HBS1L: variants seen among roughly 807,000 people sequenced by gnomAD.
HBS1L encodes HBS1 like translational GTPase.
In HBS1L, 55 loss-of-function variants were observed where a neutral mutation model predicts 88.9. The ratio of observed to expected loss-of-function variants is 0.62; its 90% CI spans 0.50 to 0.77. HBS1L has a LOEUF of 0.77. Among genes scored for constraint, HBS1L ranks in the 30% least tolerant of loss-of-function variants. The probability of loss-of-function intolerance (pLI) is 0.00; values close to 1 mark genes in which losing one functional copy is unlikely to be tolerated. For missense variants in HBS1L, 741 were observed against 829.3 expected (o/e 0.89, Z 1.31); for synonymous variants, 267 against 288.5 (o/e 0.93, Z 0.76).
At chr6:135,009,545 C>A in intron 4 of HBS1L, among the ~76,000 whole-genome samples, 3 of 151,782 alleles carry the variant, frequency 2.0e-5, no homozygotes. Flanking sequence ...AAAAAAATGG[C>A]TTTTTTCAAA....
chr6:134,986,888 T>C, intron 9 of HBS1L, 78 bp from the exon 10 acceptor site: 1 of 546,778 alleles, frequency 1.8e-6, no homozygotes, highest in Non-Finnish European at 3.1e-6. Context: ...CAATGAAATA[T>C]AATCAAGACT....
intron 14 of HBS1L, 28 bp downstream of exon 14, chr6:134,979,149 CG>C: frequency 6.6e-7 from 1 of 1,518,056 alleles, no homozygotes; most frequent in Non-Finnish European, 9.1e-7. Context: ...ATGAAGACAA[CG>C]GTTGCTTAAA....
chr6:134,983,867 T>C (rs1015631751), intron 12 of HBS1L, among the ~76,000 whole-genome samples: 13 of 151,874 alleles, frequency 8.6e-5, no homozygotes, highest in East Asian at 3.9e-4. Flanking sequence ...AGGTCAGAGA[T>C]AGACAGGTCA....
At chr6:135,011,358 A>C (rs947957041) in intron 4 of HBS1L, among the ~76,000 whole-genome samples, 104 of 152,134 alleles carry the variant, frequency 6.8e-4, no homozygotes, top group African/African-American at 2.0e-3. Context: ...CACACACACA[A>C]AAAAATTTTC....
In HBS1L at chr6:135,027,227, A is replaced by C. The variant is rs999619350; in HGVS notation, c.430+12346T>G. Reference sequence around the variant, plus strand: ...AAAAAAAAAAAAAAAGAAAAGAAAAAATAGCTAACAGAAAAGTATTGTATT... The same window carrying C: ...AAAAAAAAAAAAAAAGAAAAGAAAACATAGCTAACAGAAAAGTATTGTATT... On this transcript the variant is annotated intron_variant, in intron 4 of 17. Transcript: ENST00000367837. 5.4e-5 allele frequency: 8 copies of C among 148,264 alleles called. 1 individual carries two copies. Among genetic ancestry groups the C allele is most frequent in the African/African-American group, 7.6e-5 (3 of 39,362 alleles). 9.2% of individuals were successfully genotyped at this position (148,264 alleles called of 1,614,324 possible).
At position 134,997,578 on chromosome 6, in the gene HBS1L, G is replaced by A. The variant is rs1028917677; in HGVS notation, c.618C>T (p.Ser206=). 6.8e-6 allele frequency: 11 copies of A among 1,613,784 alleles called. No homozygotes were observed. The highest frequency in any genetic ancestry group is 5.0e-5 in the Admixed American group (3 of 59,976). Residue 206 remains serine, a synonymous_variant, in exon 6 of 18, where the codon TCC becomes TCT. Transcript: ENST00000367837. ...GPPIEDAIAS[S]DVLETASKSA... ...ATTTAGAAGCAGTCTCAAGAACATC[G>A]GAAGAAGCAATGGCATCTTCAATGG...
At chr6:134,969,208 T>G in intron 16 of HBS1L, 30 bp downstream of exon 16, 1 of 1,455,534 alleles carries the variant, frequency 6.9e-7, no homozygotes, top group East Asian at 2.3e-5. Context: ...TTAAATTGCT[T>G]GTTTATCATT....
chr6:134,986,307 A>G, intron 10 of HBS1L, 124 bp from the exon 11 acceptor site: 1 of 627,118 alleles, frequency 1.6e-6, no homozygotes, highest in East Asian at 2.9e-5. Context: ...CATAATAGAA[A>G]TCACAGAACT....
At chr6:135,022,921 AG>A (rs1776112695) in intron 4 of HBS1L, among the ~76,000 whole-genome samples, 1 of 151,364 alleles carries the variant, frequency 6.6e-6, no homozygotes, top group Non-Finnish European at 1.5e-5. Context: ...TGACCTAAGC[AG>A]GAAAAAAAAA....
chr6:134,969,046 C>T (rs992610726), intron 16 of HBS1L, among the ~76,000 whole-genome samples, 192 bp downstream of exon 16: 2 of 152,028 alleles, frequency 1.3e-5, no homozygotes, highest in African/African-American at 4.8e-5. Flanking sequence ...ATATCTAGTA[C>T]CCATATCTAA....
At chr6:135,050,412 T>A (rs1272615735) in intron 2 of HBS1L, among the ~76,000 whole-genome samples, 170 bp downstream of exon 2, 1 of 152,218 alleles carries the variant, frequency 6.6e-6, no homozygotes, top group Non-Finnish European at 1.5e-5. Flanking sequence ...CAAATTTAAA[T>A]TCTACTCACA....
intron 7 of HBS1L, among the ~76,000 whole-genome samples, 171 bp downstream of exon 7, chr6:134,996,606 A>G (rs371529926): frequency 3.3e-5 from 5 of 152,234 alleles, no homozygotes; most frequent in African/African-American, 1.2e-4. Context: ...GAGTAAAAAC[A>G]GTATGCAGAT....
chr6:135,054,714 A>C lies in HBS1L; in HGVS notation c.-23T>G, dbSNP rs1777194929. 6.2e-7 allele frequency: 1 copy of C among 1,614,120 alleles called. No individual in the cohort carries two copies. The highest frequency in any genetic ancestry group is 8.5e-7 in the Non-Finnish European group (1 of 1,180,006). ...CATGACGGCGGAGAGGGCGTTTGCC[A>C]CAGCCCCTTAACTCCTTCCAAAACA... is the stretch of plus-strand genomic sequence containing the variant. On this transcript the variant is annotated 5_prime_UTR_variant, in exon 1 of 18. Coordinates refer to ENST00000367837, the MANE Select transcript of HBS1L (RefSeq NM_006620.4).
intron 2 of HBS1L, among the ~76,000 whole-genome samples, chr6:135,045,194 T>C (rs977456386): frequency 6.6e-6 from 1 of 152,100 alleles, no homozygotes; most frequent in Non-Finnish European, 1.5e-5. Flanking sequence ...GAAGTTGTAC[T>C]GAGAGCCCCA....
intron 6 of HBS1L, 29 bp from the exon 7 acceptor site, chr6:134,996,971 C>T: frequency 6.6e-7 from 1 of 1,509,442 alleles, no homozygotes; most frequent in Non-Finnish European, 8.9e-7. Flanking sequence ...GGATTAATAC[C>T]AGGTACATTT....
In HBS1L at chr6:134,966,324, A is replaced by C. The variant is rs113516481; in HGVS notation, c.2043+5T>G. On this transcript the variant is annotated splice_donor_5th_base_variant and intron_variant, in intron 17 of 17. Coordinates refer to ENST00000367837, the MANE Select transcript of HBS1L (RefSeq NM_006620.4). The stretch of plus-strand genomic sequence containing the variant: ...TATATAATGAGTCACTTTAAAATAA[A>C]ATACCTCAGTGACAACACCAGCAGC... The C allele has an allele frequency of 1.4e-3, 2,319 of 1,604,808 alleles. 24 individuals carry two copies. In the African/African-American group the frequency reaches 0.018, roughly 12 times the overall value.
chr6:135,036,105 A>C (rs1776539959), intron 4 of HBS1L: 2 of 657,942 alleles, frequency 3.0e-6, no homozygotes, highest in African/African-American at 3.9e-5. Context: ...ACTAGGAATT[A>C]TATCATATTT....
At chr6:134,985,565 T>A (rs1206743313) in intron 11 of HBS1L, among the ~76,000 whole-genome samples, 156 bp from the exon 12 acceptor site, 1 of 152,100 alleles carries the variant, frequency 6.6e-6, no homozygotes, top group South Asian at 2.1e-4. Context: ...ACATTGAGCA[T>A]CCCAAATCCA....
intron 4 of HBS1L, among the ~76,000 whole-genome samples, chr6:135,038,636 A>G (rs1776632323): frequency 1.3e-5 from 2 of 152,328 alleles, no homozygotes; most frequent in Non-Finnish European, 2.9e-5. Flanking sequence ...TACAACAAAC[A>G]CTGACATAGT....
Sources: gnomAD v4.1 joint callset for allele counts (sites outside exome capture counted in the v4.1 genomes callset) on GRCh38, gnomAD v4.1.1 for gene constraint, MANE v1.5 for transcripts, NCBI Gene and HGNC (gene_info 2026-07-23, HGNC 2026-07-21) for gene names.